SLC24A3: variants seen among roughly 807,000 people sequenced by gnomAD.
The protein encoded by SLC24A3 is solute carrier family 24 member 3.
In SLC24A3, 28 loss-of-function variants were observed where a neutral mutation model predicts 75.8. The observed-to-expected ratio is 0.37, with a 90% confidence interval of 0.27 to 0.51. The LOEUF (loss-of-function observed/expected upper bound fraction) is 0.51, where lower values mean the gene tolerates loss of function less well. Ranked by LOEUF, SLC24A3 falls within the 20% of genes least tolerant of loss-of-function variation. The pLI, the probability that SLC24A3 is intolerant of heterozygous loss-of-function variation, is 0.94. For synonymous variants in SLC24A3, 372 were observed against 334.1 expected (o/e 1.11, Z -1.24); for missense variants, 663 against 847.8 (o/e 0.78, Z 2.71).
chr20:19,526,291 G>A (rs1215238679), intron 3 of SLC24A3, among the ~76,000 whole-genome samples: 3 of 152,162 alleles, frequency 2.0e-5, no homozygotes, highest in Non-Finnish European at 2.9e-5. Flanking sequence ...TGGAGGTCAC[G>A]AGTGCAAGCC....
intron 2 of SLC24A3, among the ~76,000 whole-genome samples, chr20:19,408,144 C>G (rs1350627417): frequency 6.6e-6 from 1 of 152,070 alleles, no homozygotes; most frequent in African/African-American, 2.4e-5. Context: ...TAATATTTTA[C>G]TTTTGTCTGA....
rs1241574183 is a variant in SLC24A3 at position 19,679,179 on chromosome 20, C to T, written c.768-2679C>T. On this transcript the variant is annotated intron_variant, in intron 9 of 16. Coordinates refer to ENST00000328041, the MANE Select transcript of SLC24A3 (RefSeq NM_020689.4). ...CTGGGAGGTGGAGGTTGTAGCAAGCCGAGATCACGCCACTGCACTCCAGCC... is the reference window on the plus strand; with the variant it reads ...CTGGGAGGTGGAGGTTGTAGCAAGCTGAGATCACGCCACTGCACTCCAGCC... Among the ~76,000 whole-genome samples the T allele has an allele frequency of 2.0e-5, 3 of 152,082 alleles. No homozygotes were observed. In the South Asian group the frequency reaches 6.3e-4, roughly 32 times the overall value.
At chr20:19,639,313 G>C (rs1052329924) in intron 6 of SLC24A3, among the ~76,000 whole-genome samples, 2 of 152,004 alleles carry the variant, frequency 1.3e-5, no homozygotes, top group African/African-American at 4.8e-5. Flanking sequence ...CCTTGAGCTA[G>C]ATACAGAGTG....
intron 2 of SLC24A3, among the ~76,000 whole-genome samples, chr20:19,419,844 A>G (rs1256271371): frequency 7.8e-6 from 1 of 127,844 alleles, no homozygotes; most frequent in Admixed American, 7.9e-5. Context: ...TTTTTTTATT[A>G]TACTCTAAGT....
chr20:19,247,338 G>A (rs1013570643), intron 1 of SLC24A3, among the ~76,000 whole-genome samples: 1 of 152,038 alleles, frequency 6.6e-6, no homozygotes, highest in Non-Finnish European at 1.5e-5. Context: ...TGTAACCCCA[G>A]TTACTTTGCA....
At chr20:19,341,708 G>C (rs1985276498) in intron 2 of SLC24A3, among the ~76,000 whole-genome samples, 1 of 152,196 alleles carries the variant, frequency 6.6e-6, no homozygotes, top group African/African-American at 2.4e-5. Flanking sequence ...AATAGCAGCA[G>C]TTTCCCATCC....
At chr20:19,310,169 G>A (rs542825021) in intron 2 of SLC24A3, among the ~76,000 whole-genome samples, 4 of 152,254 alleles carry the variant, frequency 2.6e-5, no homozygotes, top group African/African-American at 9.6e-5. Flanking sequence ...TGAACCGATA[G>A]ACCCTTGCTT....
intron 1 of SLC24A3, among the ~76,000 whole-genome samples, chr20:19,265,187 A>G (rs1983128226): frequency 6.6e-6 from 1 of 152,216 alleles, no homozygotes; most frequent in Non-Finnish European, 1.5e-5. Flanking sequence ...GGCCCAGGCT[A>G]GCCAGGTATT....
At chr20:19,437,698 C>G (rs935770302) in intron 2 of SLC24A3, among the ~76,000 whole-genome samples, 1 of 152,186 alleles carries the variant, frequency 6.6e-6, no homozygotes, top group African/African-American at 2.4e-5. Context: ...TGGCCCTGCC[C>G]TGCAGTTCTC....
intron 7 of SLC24A3, among the ~76,000 whole-genome samples, chr20:19,655,395 C>CA (rs886714002): frequency 2.7e-5 from 4 of 149,814 alleles, no homozygotes; most frequent in Admixed American, 6.6e-5. Context: ...CTGGGCTGTC[C>CA]AAAAAAAAAG....
chr20:19,684,200 T>C lies in SLC24A3; in HGVS notation c.926T>C (p.Val309Ala). 1 of 1,613,972 alleles carries C rather than the reference T, an allele frequency of 6.2e-7. No homozygotes were observed. Among genetic ancestry groups the C allele is most frequent in the Non-Finnish European group, 8.5e-7 (1 of 1,179,910 alleles). ...GCAAATTTCCACCGCAAAGCATCAG[T>C]GATCATGGTAGACGAGCTGCTGTCA... ...KKANFHRKAS[V>A]IMVDELLSAY... Residue 309 changes from valine to alanine, a missense_variant, in exon 11 of 17, where the codon GTG becomes GCG. Val to Ala is a moderately conservative substitution (Grantham distance 64). Coordinates refer to ENST00000328041, the MANE Select transcript of SLC24A3 (RefSeq NM_020689.4).
intron 3 of SLC24A3, among the ~76,000 whole-genome samples, chr20:19,555,445 T>G (rs975620148): frequency 6.6e-6 from 1 of 152,216 alleles, no homozygotes; most frequent in Non-Finnish European, 1.5e-5. Context: ...TATTTCTTCT[T>G]CCATTAGTCT....
At chr20:19,362,303 T>A (rs1453500522) in intron 2 of SLC24A3, among the ~76,000 whole-genome samples, 2 of 152,212 alleles carry the variant, frequency 1.3e-5, no homozygotes, top group Non-Finnish European at 1.5e-5. Flanking sequence ...ATGTATCACC[T>A]CAGAGTTTTA....
intron 6 of SLC24A3, among the ~76,000 whole-genome samples, chr20:19,594,090 C>A (rs1021649220): frequency 1.3e-5 from 2 of 152,210 alleles, no homozygotes; most frequent in Admixed American, 6.5e-5. Context: ...GGCCTTCGAA[C>A]TCCACCCTTG....
chr20:19,267,420 A>G (rs995039559), intron 1 of SLC24A3, among the ~76,000 whole-genome samples: 3 of 152,256 alleles, frequency 2.0e-5, no homozygotes, highest in Admixed American at 1.3e-4. Context: ...TGTTGTTAAC[A>G]TCTTCCCATC....
chr20:19,666,002 A>C (rs2032395022), intron 8 of SLC24A3, 113 bp downstream of exon 8: 1 of 1,195,178 alleles, frequency 8.4e-7, no homozygotes, highest in East Asian at 2.4e-5. Flanking sequence ...GACAGCTTAG[A>C]ATGAGGAGAA....
intron 6 of SLC24A3, among the ~76,000 whole-genome samples, chr20:19,593,630 G>A (rs1298558473): frequency 1.3e-5 from 2 of 152,224 alleles, no homozygotes; most frequent in African/African-American, 2.4e-5. Context: ...GTTGGGAGAC[G>A]TTGAGGGCTG....
chr20:19,277,664 G>A (rs1038840336), intron 1 of SLC24A3, among the ~76,000 whole-genome samples: 1 of 152,146 alleles, frequency 6.6e-6, no homozygotes, highest in Non-Finnish European at 1.5e-5. Context: ...AAGTTTGCAG[G>A]TTTTGGAATC....
intron 2 of SLC24A3, among the ~76,000 whole-genome samples, chr20:19,341,097 A>G (rs1304334793): frequency 2.0e-5 from 3 of 152,212 alleles, no homozygotes; most frequent in Non-Finnish European, 4.4e-5. Context: ...GAAAATACAG[A>G]TGCCTGAACC....
Sources: allele counts gnomAD v4.1 joint callset (sites outside exome capture counted in the v4.1 genomes callset), GRCh38; gene constraint gnomAD v4.1.1; transcripts MANE v1.5; gene names NCBI Gene and HGNC (gene_info 2026-07-23, HGNC 2026-07-21).